Variants in TRIM9 observed in about 807,000 individuals in gnomAD.
TRIM9 encodes tripartite motif containing 9, also known as E3 ubiquitin-protein ligase TRIM9.
TRIM9 carries 26 observed loss-of-function variants against 78.3 expected under a neutral mutation model. The ratio of observed to expected loss-of-function variants is 0.33; its 90% CI spans 0.24 to 0.46. The LOEUF is 0.46. Among genes scored for constraint, TRIM9 ranks in the 20% least tolerant of loss-of-function variants. The probability of loss-of-function intolerance (pLI) is 1.00; values close to 1 mark genes in which losing one functional copy is unlikely to be tolerated. For synonymous variants in TRIM9, 398 were observed against 416.5 expected (o/e 0.96, Z 0.54); for missense variants, 787 against 1,036.4 (o/e 0.76, Z 3.30).
intron 5 of TRIM9, among the ~76,000 whole-genome samples, chr14:51,003,569 A>G (rs894436876): frequency 6.6e-6 from 1 of 152,224 alleles, no homozygotes; most frequent in Admixed American, 6.5e-5. Context: ...ACTGAAATAC[A>G]TGATGTCATG....
intron 1 of TRIM9, among the ~76,000 whole-genome samples, chr14:51,093,406 G>A (rs2140394752): frequency 6.6e-6 from 1 of 152,368 alleles, no homozygotes; most frequent in African/African-American, 2.4e-5. Flanking sequence ...GGCCGCGACT[G>A]CGCAAACTCC....
chr14:51,029,055 A>G lies in TRIM9; in HGVS notation c.823-3695T>C, dbSNP rs1031042082. ...TAATGCAATTCAATCCATCCCGCCC[A>G]ATGCCTGACTTGCCCAAGCTGCTGA... On this transcript the variant is annotated intron_variant, in intron 1 of 12. Coordinates refer to ENST00000684578, the MANE Select transcript of TRIM9 (RefSeq NM_001387360.1). Among the ~76,000 whole-genome samples, 5 of 152,086 alleles carry G rather than the reference A, an allele frequency of 3.3e-5. No homozygotes were observed. In the South Asian group the frequency reaches 1.0e-3, roughly 32 times the overall value.
chr14:50,982,562 C>T (rs2052095081), intron 10 of TRIM9: 4 of 319,606 alleles, frequency 1.3e-5, no homozygotes, highest in Non-Finnish European at 1.8e-5. Context: ...GGCAGAAGTG[C>T]TAACATCTAG....
intron 1 of TRIM9, among the ~76,000 whole-genome samples, chr14:51,081,759 CTTATA>C (rs1447247424): frequency 2.0e-5 from 3 of 152,276 alleles, no homozygotes; most frequent in Non-Finnish European, 4.4e-5. Context: ...GAACACTTTA[CTTATA>C]TTTACTGGTT....
chr14:50,988,275 T>C (rs1410145559), intron 7 of TRIM9: 2 of 152,164 alleles, frequency 1.3e-5, no homozygotes, highest in African/African-American at 4.8e-5. Flanking sequence ...TGAAAACCAG[T>C]GAAGAGATGT....
At chr14:51,025,129 A>C in intron 2 of TRIM9, 136 bp downstream of exon 2, 1 of 774,722 alleles carries the variant, frequency 1.3e-6, no homozygotes, top group Non-Finnish European at 2.1e-6. Context: ...ATGTGTTTGT[A>C]TGTAAAGAAC....
intron 1 of TRIM9, among the ~76,000 whole-genome samples, chr14:51,071,152 G>A (rs753387142): frequency 8.6e-5 from 13 of 151,896 alleles, no homozygotes; most frequent in African/African-American, 1.7e-4. Flanking sequence ...CAGGGTGGGC[G>A]GATCACCTGA....
At chr14:50,990,548 ATGT>A (rs1343867322) in intron 7 of TRIM9, among the ~76,000 whole-genome samples, 1 of 152,120 alleles carries the variant, frequency 6.6e-6, no homozygotes, top group Non-Finnish European at 1.5e-5. Flanking sequence ...ATTTTTGCAG[ATGT>A]TGTAGAATAT....
At chr14:50,987,761 T>C (rs1247337888) in intron 7 of TRIM9, among the ~76,000 whole-genome samples, 1 of 152,028 alleles carries the variant, frequency 6.6e-6, no homozygotes, top group Non-Finnish European at 1.5e-5. Context: ...TTTACAACTA[T>C]ATTTATGTCA....
At chr14:51,089,554 G>A (rs1369982660) in intron 1 of TRIM9, among the ~76,000 whole-genome samples, 1 of 152,130 alleles carries the variant, frequency 6.6e-6, no homozygotes, top group Non-Finnish European at 1.5e-5. Flanking sequence ...AACAATTTCT[G>A]CTACTTCAAA....
chr14:50,999,749 G>A (rs1313387633), intron 6 of TRIM9, among the ~76,000 whole-genome samples: 2 of 152,210 alleles, frequency 1.3e-5, no homozygotes, highest in Non-Finnish European at 2.9e-5. Context: ...TCCCCAGAAC[G>A]GCTGCTCCCT....
intron 1 of TRIM9, among the ~76,000 whole-genome samples, chr14:51,027,553 G>A (rs142755029): frequency 3.3e-5 from 5 of 151,670 alleles, no homozygotes; most frequent in African/African-American, 7.3e-5. Flanking sequence ...GAACATTTTC[G>A]ATCACCTGTA....
At chr14:51,036,151 T>C (rs918783086) in intron 1 of TRIM9, among the ~76,000 whole-genome samples, 17 of 152,184 alleles carry the variant, frequency 1.1e-4, no homozygotes, top group Admixed American at 6.5e-5. Context: ...TTCCACCTCA[T>C]TGCAGTGAAA....
intron 1 of TRIM9, among the ~76,000 whole-genome samples, chr14:51,034,156 T>G (rs2058957504): frequency 6.6e-6 from 1 of 152,164 alleles, no homozygotes. Flanking sequence ...TGTTTTCCAG[T>G]TTTTGGCTTC....
rs180834153 is a variant in TRIM9, at chr14:50,998,156, A to G, written c.1497T>C (p.Thr499=). 16 of 1,614,212 alleles carry G rather than the reference A, an allele frequency of 9.9e-6. No individual in the cohort carries two copies. Among genetic ancestry groups the G allele is most frequent in the Admixed American group, 6.7e-5 (4 of 60,024 alleles). The change falls in exon 7 of 13, where the codon ACT becomes ACC. Residue 499 remains threonine (T), a synonymous_variant. Coordinates refer to ENST00000684578, the MANE Select transcript of TRIM9 (RefSeq NM_001387360.1). ...TGCTGTTGAAGTGAAGACCATCCAC[A>G]GTGCACATTGTCTCCTTCCCCACAT... ...EVYVGKETMC[T]VDGLHFNSTY...
chr14:51,091,507 G>C (rs113841501), intron 1 of TRIM9, among the ~76,000 whole-genome samples: 4 of 152,116 alleles, frequency 2.6e-5, no homozygotes, highest in Admixed American at 2.0e-4. Flanking sequence ...CTGGCCCATG[G>C]GCTTTTGTGG....
intron 2 of TRIM9, among the ~76,000 whole-genome samples, 153 bp from the exon 3 acceptor site, chr14:51,023,110 T>G (rs2057913698): frequency 6.6e-6 from 1 of 152,244 alleles, no homozygotes; most frequent in Non-Finnish European, 1.5e-5. Context: ...GGATAAACTT[T>G]ATTCTACAGT....
intron 3 of TRIM9, among the ~76,000 whole-genome samples, chr14:51,015,765 C>A (rs984731304): frequency 6.6e-6 from 1 of 152,000 alleles, no homozygotes; most frequent in South Asian, 2.1e-4. Context: ...CTTGGCCCCC[C>A]AAAGCATTGG....
intron 1 of TRIM9, among the ~76,000 whole-genome samples, chr14:51,038,495 C>A (rs548754996): frequency 1.3e-5 from 2 of 152,252 alleles, no homozygotes; most frequent in African/African-American, 4.8e-5. Flanking sequence ...TTTTGTAAAC[C>A]TGCTCAGAAT....
Sources: gnomAD v4.1 joint callset for allele counts (sites outside exome capture counted in the v4.1 genomes callset) on GRCh38, gnomAD v4.1.1 for gene constraint, MANE v1.5 for transcripts, NCBI Gene and HGNC (gene_info 2026-07-23, HGNC 2026-07-21) for gene names.